The following NAV2 variants were observed in gnomAD, a reference collection of about 807,000 sequenced individuals.
NAV2 encodes the protein helicase, APC down-regulated 1.
Under a neutral mutation model 223.2 loss-of-function variants are expected in NAV2, and 54 were observed. The ratio of observed to expected loss-of-function variants is 0.24; its 90% CI spans 0.19 to 0.30. The LOEUF is 0.30. NAV2 is among the 10% of genes least tolerant of loss of function. The probability of loss-of-function intolerance (pLI) is 1.00; values close to 1 mark genes in which losing one functional copy is unlikely to be tolerated. For missense variants in NAV2, 2,806 were observed against 3,147.5 expected, an observed-to-expected ratio of 0.89 and a Z score of 2.60; for synonymous variants, 1,279 against 1,239.3, an observed-to-expected ratio of 1.03 and a Z score of -0.67.
rs186126406 is a variant in NAV2, at chr11:19,821,058, T to C, written c.268-11426T>C. On this transcript the variant is annotated intron_variant, in intron 1 of 37. Coordinates refer to ENST00000349880, the MANE Select transcript of NAV2 (RefSeq NM_145117.5). ...CGGGCAAATCACGAGGTCAGAAGATTGAGACCATCCTGGCTAACACGGTGA... is the reference window on the plus strand; with the variant it reads ...CGGGCAAATCACGAGGTCAGAAGATCGAGACCATCCTGGCTAACACGGTGA... Among the ~76,000 whole-genome samples, 627 of 152,112 alleles carry C rather than the reference T, an allele frequency of 4.1e-3. 2 individuals are homozygous for C. The highest frequency in any genetic ancestry group is 0.014 in the African/African-American group (562 of 41,506).
intron 1 of NAV2, among the ~76,000 whole-genome samples, chr11:19,586,791 G>A (rs193282401): frequency 6.6e-6 from 1 of 152,226 alleles, no homozygotes. Context: ...TGCCCCTACT[G>A]GGGGGTGCCT....
At chr11:19,652,931 G>A (rs1282832517) in intron 1 of NAV2, among the ~76,000 whole-genome samples, 3 of 152,190 alleles carry the variant, frequency 2.0e-5, no homozygotes, top group Non-Finnish European at 4.4e-5. Flanking sequence ...GTTTCCTGTT[G>A]ATGGGTGTTA....
At chr11:19,486,432 C>G (rs929990107) in intron 1 of NAV2, among the ~76,000 whole-genome samples, 7 of 152,166 alleles carry the variant, frequency 4.6e-5, no homozygotes, top group Admixed American at 1.3e-4. Flanking sequence ...CTGTAGTTTC[C>G]ATAATCCCCA....
chr11:19,714,673 G>A (rs1590145683), intron 1 of NAV2, among the ~76,000 whole-genome samples: 2 of 152,152 alleles, frequency 1.3e-5, no homozygotes, highest in East Asian at 3.9e-4. Flanking sequence ...TTCCTGGGTG[G>A]TAGATCCTGG....
intron 1 of NAV2, among the ~76,000 whole-genome samples, chr11:19,570,572 A>G (rs932974966): frequency 6.6e-6 from 1 of 152,204 alleles, no homozygotes; most frequent in Non-Finnish European, 1.5e-5. Flanking sequence ...CAAAAGCTCA[A>G]TGTTAAAAAA....
rs1048989152 is a variant in NAV2 at position 20,043,845 on chromosome 11, A to G, written c.2908-136A>G. On this transcript the variant is annotated intron_variant, in intron 12 of 37. Coordinates refer to ENST00000349880, the MANE Select transcript of NAV2 (RefSeq NM_145117.5). The stretch of plus-strand genomic sequence containing the variant: ...CTTTCTAACAAGATAACCAGAGTAC[A>G]AAAGTCCAAACATCTTTAAAGTAAT... 6 of 761,864 alleles carry G rather than the reference A, an allele frequency of 7.9e-6. No homozygotes were observed. In the Admixed American group the frequency reaches 9.9e-5, roughly 13 times the overall value. 47.2% of individuals were successfully genotyped at this position (761,864 alleles called of 1,614,324 possible).
chr11:19,795,309 G>A (rs1300976565), intron 1 of NAV2, among the ~76,000 whole-genome samples: 1 of 152,190 alleles, frequency 6.6e-6, no homozygotes, highest in African/African-American at 2.4e-5. Flanking sequence ...TTTGATTTAA[G>A]TCAATGTCAC....
rs377477990 is a variant in NAV2, at chr11:19,526,709, C to T, written c.75+175682C>T. 2.0e-5 allele frequency among the ~76,000 whole-genome samples: 3 copies of T among 152,174 alleles called. No individual in the cohort carries two copies. The East Asian group carries it at 5.8e-4, about 29-fold the overall frequency. Reference sequence around the variant, plus strand: ...GCTGGGGAAGCTCTCCTACAGTCCCCTGACCTGGCTGATTGCACTTGATCA... The same window carrying T: ...GCTGGGGAAGCTCTCCTACAGTCCCTTGACCTGGCTGATTGCACTTGATCA... On this transcript the variant is annotated intron_variant, in intron 1 of 37. Transcript: ENST00000360655.
Position 20,101,102 on chromosome 11 carries a change from T to G in NAV2, c.6347T>G (p.Val2116Gly), listed in dbSNP as rs2061604891. The G allele has an allele frequency of 6.2e-7, 1 of 1,614,030 alleles. No individual in the cohort carries two copies. Among genetic ancestry groups the G allele is most frequent in the South Asian group, 1.1e-5 (1 of 91,080 alleles). ...YLANRLSEYI[V>G]LREGRELTDG... Reference sequence around the variant, plus strand: ...GCCAACCGGCTGTCTGAGTATATAGTGCTTCGAGAGGGACGGGAGTTGACA... The same window carrying G: ...GCCAACCGGCTGTCTGAGTATATAGGGCTTCGAGAGGGACGGGAGTTGACA... The change falls in exon 32 of 38, where the codon GTG (valine) becomes GGG (glycine). Residue 2116 changes from valine (V) to glycine (G), a missense_variant. Val to Gly is a moderately radical substitution (Grantham distance 109). This residue lies in a region of NAV2 where 824 missense variants were observed against 1,069.4 expected (regional missense o/e 0.77). Coordinates refer to ENST00000349880, the MANE Select transcript of NAV2 (RefSeq NM_145117.5).
Position 19,544,770 on chromosome 11 carries a change from C to A in NAV2, c.75+193743C>A, listed in dbSNP as rs566805563. 2.0e-5 allele frequency among the ~76,000 whole-genome samples: 3 copies of A among 152,342 alleles called. No homozygotes were observed. The South Asian group carries it at 6.2e-4, about 32-fold the overall frequency. ...AAAAGAACGAGCCCCAGCTTTGGAG[C>A]CAGCTAGGGCTGGAGGTGAGCCTGC... is the stretch of plus-strand genomic sequence containing the variant. On this transcript the variant is annotated intron_variant, in intron 1 of 37. Coordinates refer to the NAV2 transcript ENST00000360655.
At chr11:19,509,281 G>T (rs1274782256) in intron 1 of NAV2, among the ~76,000 whole-genome samples, 1 of 152,114 alleles carries the variant, frequency 6.6e-6, no homozygotes, top group Non-Finnish European at 1.5e-5. Context: ...GTGTGTGTGG[G>T]TGTGTGTGTC....
intron 30 of NAV2, among the ~76,000 whole-genome samples, chr11:20,096,816 G>A (rs926985444): frequency 1.3e-5 from 2 of 152,202 alleles, no homozygotes; most frequent in Admixed American, 1.3e-4. Context: ...GAAGACATAT[G>A]AATGGCTTAG....
At chr11:19,763,236 A>G (rs2054913664) in intron 1 of NAV2, among the ~76,000 whole-genome samples, 1 of 152,236 alleles carries the variant, frequency 6.6e-6, no homozygotes, top group African/African-American at 2.4e-5. Flanking sequence ...ACAAAATGAA[A>G]TAACAGGAGA....
rs1423305510 is a variant in NAV2, at chr11:20,100,986, C to T, written c.6231C>T (p.Pro2077=). 1.2e-6 allele frequency: 2 copies of T among 1,614,034 alleles called. No individual in the cohort carries two copies. The highest frequency in any genetic ancestry group is 1.7e-6 in the Non-Finnish European group (2 of 1,180,036). ...LDSLVFESLI[P]KPILQRYVSL... ...CACTGGTGTTTGAGTCCTTGATTCC[C>T]AAGCCCATCCTGCAGCGCTACGTCT... Residue 2077 remains proline, a synonymous_variant, in exon 32 of 38, where the codon CCC becomes CCT. Transcript: ENST00000349880.
At chr11:20,053,847 C>T (rs1432492419) in intron 17 of NAV2, among the ~76,000 whole-genome samples, 3 of 152,168 alleles carry the variant, frequency 2.0e-5, no homozygotes, top group East Asian at 3.9e-4. Flanking sequence ...AATCTTCTTC[C>T]CTTTATGTGT....
chr11:19,690,861 C>A (rs1427237735), intron 1 of NAV2, among the ~76,000 whole-genome samples: 1 of 152,192 alleles, frequency 6.6e-6, no homozygotes. Flanking sequence ...AGTCACACAG[C>A]AATTTCAAGG....
chr11:19,446,986 A>G (rs1851608598), intron 1 of NAV2, among the ~76,000 whole-genome samples: 1 of 152,166 alleles, frequency 6.6e-6, no homozygotes, highest in Non-Finnish European at 1.5e-5. Context: ...TAGTGAGGAA[A>G]AGAACATTGC....
rs965768164 is a variant in NAV2 at position 19,810,783 on chromosome 11, G to C, written c.268-21701G>C. 5.3e-5 allele frequency among the ~76,000 whole-genome samples: 8 copies of C among 151,512 alleles called. No homozygotes were observed. The East Asian group carries it at 1.6e-3, about 30-fold the overall frequency. The stretch of plus-strand genomic sequence containing the variant: ...TGAGGTTGAGGTAGATGCCCACCTG[G>C]GATTTTGGCATCTGTATTTTAATAA... On this transcript the variant is annotated intron_variant, in intron 1 of 37. Coordinates refer to ENST00000349880, the MANE Select transcript of NAV2 (RefSeq NM_145117.5).
At chr11:19,554,306 T>C (rs2044792968) in intron 1 of NAV2, among the ~76,000 whole-genome samples, 1 of 152,180 alleles carries the variant, frequency 6.6e-6, no homozygotes, top group Non-Finnish European at 1.5e-5. Context: ...AGCTAGCCAA[T>C]AGCAGAGCCA....
Sources: gnomAD v4.1 joint callset for allele counts (sites outside exome capture counted in the v4.1 genomes callset) on GRCh38, gnomAD v4.1.1 for gene constraint, gnomAD v4.1.1 regional missense constraint, MANE v1.5 for transcripts, NCBI Gene and HGNC (gene_info 2026-07-23, HGNC 2026-07-21) for gene names.